PTGES2: variants seen among roughly 807,000 people sequenced by gnomAD.
PTGES2 encodes the protein GATE-binding factor 1.
In PTGES2, 35 loss-of-function variants were observed where a neutral mutation model predicts 44.5. The ratio of observed to expected loss-of-function variants is 0.79; its 90% confidence interval spans 0.60 to 1.04. The LOEUF (loss-of-function observed/expected upper bound fraction) is 1.04, where lower values mean the gene tolerates loss of function less well. Ranked by LOEUF, PTGES2 falls within the 50% of genes least tolerant of loss-of-function variation. PTGES2 has a pLI of 0.00. For missense variants in PTGES2, 517 were observed against 521.4 expected (o/e 0.99, Z 0.08); for synonymous variants, 221 against 227.5 (o/e 0.97, Z 0.26).
Position 128,121,938 on chromosome 9 carries a change from C to A in PTGES2, c.1005+424G>T, listed in dbSNP as rs565713467. On this transcript the variant is annotated intron_variant, in intron 6 of 6. Coordinates refer to ENST00000338961, the MANE Select transcript of PTGES2 (RefSeq NM_025072.7). ...AAAAAAAAAACAAAAACAACAACAACAAAAAAAAACAAAAGGAAAAAGGGC... is the reference window on the plus strand; with the variant it reads ...AAAAAAAAAACAAAAACAACAACAAAAAAAAAAAACAAAAGGAAAAAGGGC... 3.1e-3 allele frequency among the ~76,000 whole-genome samples: 464 copies of A among 150,244 alleles called. 1 individual carries two copies. Among genetic ancestry groups the A allele is most frequent in the Admixed American group, 4.1e-3 (62 of 15,080 alleles).
chr9:128,124,851 G>A, intron 2 of PTGES2: 2 of 1,257,940 alleles, frequency 1.6e-6, no homozygotes, highest in East Asian at 3.9e-5. Flanking sequence ...CACTGTGCCA[G>A]GCATTTCATA....
In PTGES2 at chr9:128,120,774, A is replaced by G; in HGVS notation, c.*371T>C. The G allele has an allele frequency of 4.4e-6, 1 of 225,392 alleles. No individual in the cohort carries two copies. Among genetic ancestry groups the G allele is most frequent in the Non-Finnish European group, 8.8e-6 (1 of 113,824 alleles). 14.0% of individuals were successfully genotyped at this position (225,392 alleles called of 1,614,324 possible). A position where few individuals can be genotyped will look rare whatever the true frequency, so the allele number is the denominator to read the frequency against. Reference sequence around the variant, plus strand: ...TCCCAGTCCCGGGAGGCTTGGGAAGAGTGGGAACCAGGGGAACCCAGGGAT... The same window carrying G: ...TCCCAGTCCCGGGAGGCTTGGGAAGGGTGGGAACCAGGGGAACCCAGGGAT... On this transcript the variant is annotated 3_prime_UTR_variant, in exon 7 of 7. Coordinates refer to ENST00000338961, the MANE Select transcript of PTGES2 (RefSeq NM_025072.7).
chr9:128,128,112 G>C (rs564539526), upstream of PTGES2: 18 of 369,274 alleles, frequency 4.9e-5, no homozygotes, highest in East Asian at 9.7e-4. Context: ...CCTAGAGTCA[G>C]TACAGGCGCC....
In PTGES2 at chr9:128,124,477, C is replaced by T. The variant is rs149229944; in HGVS notation, c.536+15G>A. 2.8e-5 allele frequency: 45 copies of T among 1,612,774 alleles called. No homozygotes were observed. The East Asian group carries it at 8.5e-4, about 30-fold the overall frequency. On this transcript the variant is annotated intron_variant, in intron 3 of 6. Transcript: ENST00000338961. ...CCAAAAGCAATGGCCACCTGGTCTC[C>T]GAGGGGCTCCTTACCCCGACACCAG...
rs180898378 is a variant in PTGES2, at chr9:128,127,076, G to A, written c.279+363C>T. ...AGCCTATAGTCCCAGCTACTCGGGA[G>A]GCTGAGGCAGGAGGATCCCTTCAAC... On this transcript the variant is annotated intron_variant, in intron 1 of 6. Transcript: ENST00000338961. Among the ~76,000 whole-genome samples the A allele has an allele frequency of 3.3e-5, 5 of 151,226 alleles. No homozygotes were observed. The East Asian group carries it at 9.8e-4, about 30-fold the overall frequency.
chr9:128,128,069 T>A, upstream of PTGES2: 2 of 361,424 alleles, frequency 5.5e-6, no homozygotes, highest in East Asian at 7.3e-5. Flanking sequence ...CCACCTCTCT[T>A]ACGGGCGCCC....
intron 2 of PTGES2, 85 bp from the exon 3 acceptor site, chr9:128,124,635 C>T: frequency 7.1e-7 from 1 of 1,410,882 alleles, no homozygotes; most frequent in Non-Finnish European, 9.9e-7. Context: ...ACACTCTGGG[C>T]ATTGTTTATC....
chr9:128,124,679 C>T, intron 2 of PTGES2, 129 bp from the exon 3 acceptor site: 1 of 1,288,172 alleles, frequency 7.8e-7, no homozygotes. Flanking sequence ...TCCTCCCCGC[C>T]CTGCCCTCAG....
intron 1 of PTGES2, among the ~76,000 whole-genome samples, chr9:128,126,456 A>G (rs1338075742): frequency 6.6e-6 from 1 of 152,116 alleles, no homozygotes; most frequent in African/African-American, 2.4e-5. Flanking sequence ...AAATAAATAC[A>G]CAGCCTTAGG....
rs1271288948 is a variant in PTGES2, at chr9:128,125,232, C to G, written c.477+12G>C. On this transcript the variant is annotated intron_variant, in intron 2 of 6. Coordinates refer to ENST00000338961, the MANE Select transcript of PTGES2 (RefSeq NM_025072.7). The stretch of plus-strand genomic sequence containing the variant: ...AAAGGAGGAAGGATGCAGGGGGTTC[C>G]CTGGGGCTCACCGAGCTTTCTCCTT... 1 of 1,562,628 alleles carries G rather than the reference C, an allele frequency of 6.4e-7. No individual in the cohort carries two copies. The highest frequency in any genetic ancestry group is 1.9e-5 in the Admixed American group (1 of 51,870).
intron 2 of PTGES2, 60 bp downstream of exon 2, chr9:128,125,184 G>T: frequency 6.8e-7 from 1 of 1,481,308 alleles, no homozygotes; most frequent in South Asian, 1.3e-5. Context: ...GCCAGGCTAG[G>T]GGGCGCTCCA....
At chr9:128,122,721 T>C in intron 5 of PTGES2, 1 of 646,776 alleles carries the variant, frequency 1.5e-6, no homozygotes, top group African/African-American at 1.8e-5. Flanking sequence ...GGCTTCCGGC[T>C]TCAAGGCCAG....
At chr9:128,126,863 T>C (rs1834638177) in intron 1 of PTGES2, among the ~76,000 whole-genome samples, 1 of 9,826 alleles carries the variant, frequency 1.0e-4, no homozygotes, top group South Asian at 0.016. Flanking sequence ...AAACTCCGTC[T>C]CAAAAAAAAA....
At position 128,120,894 on chromosome 9, in the gene PTGES2, G is replaced by C; in HGVS notation, c.*251C>G. 3.9e-6 allele frequency: 2 copies of C among 517,934 alleles called. No homozygotes were observed. Among genetic ancestry groups the C allele is most frequent in the Middle Eastern group, 1.0e-3 (2 of 1,988 alleles). The allele number at this position is 517,934 out of a possible 1,614,324, so 32.1% of individuals were successfully genotyped here. A position where few individuals can be genotyped will look rare whatever the true frequency, so the allele number is the denominator to read the frequency against. ...GACAGCCACTGAGGGTCCAGGAAGA[G>C]GGGCGGCAGAGCAGGGAGGCAGGGA... On this transcript the variant is annotated 3_prime_UTR_variant, in exon 7 of 7. Transcript: ENST00000338961.
At chr9:128,125,676 A>C (rs1440176637) in intron 1 of PTGES2, among the ~76,000 whole-genome samples, 1 of 152,122 alleles carries the variant, frequency 6.6e-6, no homozygotes, top group Non-Finnish European at 1.5e-5. Flanking sequence ...GAGGTTGTGT[A>C]GGAGGAATCT....
At position 128,124,567 on chromosome 9, in the gene PTGES2, T is replaced by C. The variant is rs1235885549; in HGVS notation, c.478-17A>G. Reference sequence around the variant, plus strand: ...TAGTTGTTGCTGGAAGAGAAAAGGGTGGTTTAATCAGAGGTTGCAACCCAG... The same window carrying C: ...TAGTTGTTGCTGGAAGAGAAAAGGGCGGTTTAATCAGAGGTTGCAACCCAG... On this transcript the variant is annotated splice_polypyrimidine_tract_variant and intron_variant, in intron 2 of 6. Coordinates refer to ENST00000338961, the MANE Select transcript of PTGES2 (RefSeq NM_025072.7). The C allele has an allele frequency of 4.3e-6, 7 of 1,612,022 alleles. No homozygotes were observed. The highest frequency in any genetic ancestry group is 1.7e-5 in the Admixed American group (1 of 59,910).
intron 1 of PTGES2, among the ~76,000 whole-genome samples, 194 bp downstream of exon 1, chr9:128,127,245 G>A (rs1403803198): frequency 7.7e-6 from 1 of 129,942 alleles, no homozygotes; most frequent in Non-Finnish European, 1.6e-5. Flanking sequence ...ATGAGAACTC[G>A]AACAATTCCA....
At position 128,123,620 on chromosome 9, in the gene PTGES2, C is replaced by G; in HGVS notation, c.686+82G>C. The G allele has an allele frequency of 7.0e-7, 1 of 1,437,024 alleles. No individual in the cohort carries two copies. Among genetic ancestry groups the G allele is most frequent in the Non-Finnish European group, 9.5e-7 (1 of 1,047,540 alleles). 89.0% of individuals were successfully genotyped at this position (1,437,024 alleles called of 1,614,324 possible). On this transcript the variant is annotated intron_variant, in intron 4 of 6. Coordinates refer to ENST00000338961, the MANE Select transcript of PTGES2 (RefSeq NM_025072.7). This position sits in a 1 kb window ranked among gnomAD's most constrained non-coding sequence, Gnocchi z 4.4. Reference sequence around the variant, plus strand: ...GGTCTCCCATGCTGCTCCCTGCTCACGCCATCTTGCTCAGCTTGGTCCTAC... The same window carrying G: ...GGTCTCCCATGCTGCTCCCTGCTCAGGCCATCTTGCTCAGCTTGGTCCTAC...
In PTGES2 at chr9:128,127,724, T is replaced by A; in HGVS notation, c.-7A>T. ...CCCGCGCAGCCGGGTCCATGTTCGCTCCGCCGGCGCCGCGGGCGGGCGCGC... is the reference window on the plus strand; with the variant it reads ...CCCGCGCAGCCGGGTCCATGTTCGCACCGCCGGCGCCGCGGGCGGGCGCGC... On this transcript the variant is annotated 5_prime_UTR_variant, in exon 1 of 7. Transcript: ENST00000338961. 8.0e-7 allele frequency: 1 copy of A among 1,256,764 alleles called. No homozygotes were observed. The highest frequency in any genetic ancestry group is 1.0e-6 in the Non-Finnish European group (1 of 1,001,564). The allele number at this position is 1,256,764 out of a possible 1,614,324, so 77.9% of individuals were successfully genotyped here. A position where few individuals can be genotyped will look rare whatever the true frequency, so the allele number is the denominator to read the frequency against.
Sources: gnomAD v4.1 joint callset for allele counts (sites outside exome capture counted in the v4.1 genomes callset) on GRCh38, gnomAD v4.1.1 for gene constraint, Gnocchi (gnomAD v3.1) non-coding constraint, MANE v1.5 for transcripts, NCBI Gene and HGNC (gene_info 2026-07-23, HGNC 2026-07-21) for gene names.